KCNMA1: variants seen among roughly 807,000 people sequenced by gnomAD.
KCNMA1 encodes the protein potassium calcium-activated channel subfamily M alpha 1.
KCNMA1 carries 29 observed loss-of-function variants against 140.0 expected under a neutral mutation model. That is an observed-to-expected ratio of 0.21 (90% CI 0.15 to 0.28). The LOEUF is 0.28. KCNMA1 is among the 10% of genes least tolerant of loss of function. KCNMA1 has a pLI of 1.00. For missense variants in KCNMA1, 880 were observed against 1,602.2 expected (o/e 0.55, Z 7.70); for synonymous variants, 612 against 611.9 (o/e 1.00, Z 0.00).
At chr10:77,090,940 T>C (rs1450692318) in intron 9 of KCNMA1, 4 of 200,340 alleles carry the variant, frequency 2.0e-5, no homozygotes, top group African/African-American at 4.6e-5. Context: ...TATCAGGTAA[T>C]GAGATAACAA....
At chr10:76,927,402 G>A (rs946804404) in intron 23 of KCNMA1, among the ~76,000 whole-genome samples, 1 of 152,114 alleles carries the variant, frequency 6.6e-6, no homozygotes, top group Non-Finnish European at 1.5e-5. Flanking sequence ...ACATAACGAT[G>A]GGACTCTCAT....
chr10:77,559,066 C>T (rs1484691398), intron 1 of KCNMA1, among the ~76,000 whole-genome samples: 1 of 152,152 alleles, frequency 6.6e-6, no homozygotes, highest in Non-Finnish European at 1.5e-5. Flanking sequence ...CCTGGTCAGC[C>T]CAGCCCCTGT....
At chr10:77,280,449 CT>C (rs2068097174) in intron 2 of KCNMA1, among the ~76,000 whole-genome samples, 1 of 152,168 alleles carries the variant, frequency 6.6e-6, no homozygotes, top group African/African-American at 2.4e-5. Context: ...ACAGTTTTGC[CT>C]CTGTTTCCAC....
At chr10:77,336,160 G>A (rs530156868) in intron 2 of KCNMA1, among the ~76,000 whole-genome samples, 95 of 152,312 alleles carry the variant, frequency 6.2e-4, no homozygotes, top group African/African-American at 2.2e-3. Context: ...TAGATTAAGT[G>A]TTGAAAGGAC....
chr10:77,138,210 A>AT (rs2098089749), intron 5 of KCNMA1, among the ~76,000 whole-genome samples: 1 of 152,154 alleles, frequency 6.6e-6, no homozygotes, highest in Non-Finnish European at 1.5e-5. Flanking sequence ...AGAGAAACAC[A>AT]TTTTTTAAAA....
intron 1 of KCNMA1, among the ~76,000 whole-genome samples, chr10:77,439,156 AG>A (rs2097339363): frequency 7.1e-6 from 1 of 139,880 alleles, no homozygotes; most frequent in Non-Finnish European, 1.6e-5. Flanking sequence ...AGAAAAGAGA[AG>A]AGAAGAAAAG....
At chr10:77,295,806 A>AAAAAAAAC (rs2074898779) in intron 2 of KCNMA1, among the ~76,000 whole-genome samples, 16 of 145,640 alleles carry the variant, frequency 1.1e-4, no homozygotes, top group Non-Finnish European at 2.4e-4. Context: ...AAAAAAAAAA[A>AAAAAAAAC]AAAAAAAAAA....
At chr10:77,472,975 C>G (rs1475014270) in intron 1 of KCNMA1, among the ~76,000 whole-genome samples, 1 of 152,196 alleles carries the variant, frequency 6.6e-6, no homozygotes, top group South Asian at 2.1e-4. Context: ...CAAACCAAAA[C>G]CCAAATGTGC....
At chr10:76,960,618 G>GTTTTTTTTT (rs55685324) in intron 20 of KCNMA1, among the ~76,000 whole-genome samples, 7 of 59,332 alleles carry the variant, frequency 1.2e-4, no homozygotes, top group Non-Finnish European at 1.6e-4. Context: ...TTATGGTTTT[G>GTTTTTTTTT]TTTTTTTTTT....
At chr10:77,581,315 CTT>C (rs11392217) in intron 1 of KCNMA1, among the ~76,000 whole-genome samples, 1 of 148,270 alleles carries the variant, frequency 6.7e-6, no homozygotes, top group Non-Finnish European at 1.5e-5. Flanking sequence ...ATTCTCAACA[CTT>C]TTTTTTTTTT....
chr10:77,453,235 A>G (rs2097695936), intron 1 of KCNMA1, among the ~76,000 whole-genome samples: 1 of 152,124 alleles, frequency 6.6e-6, no homozygotes. Flanking sequence ...AAATCCAATC[A>G]AGAGTATTTC....
intron 25 of KCNMA1, among the ~76,000 whole-genome samples, chr10:76,893,080 G>A (rs1024945205): frequency 1.3e-5 from 2 of 152,130 alleles, no homozygotes; most frequent in Non-Finnish European, 2.9e-5. Flanking sequence ...TGGGATCCAG[G>A]GATCCAGAGC....
chr10:77,504,040 G>T (rs1212779897), intron 1 of KCNMA1, among the ~76,000 whole-genome samples: 2 of 152,116 alleles, frequency 1.3e-5, no homozygotes, highest in Non-Finnish European at 2.9e-5. Flanking sequence ...GGTGCTGGAG[G>T]GTCTCTCCAC....
At chr10:77,591,069 C>G (rs17506197) in intron 1 of KCNMA1, among the ~76,000 whole-genome samples, 15,097 of 152,288 alleles carry the variant, frequency 0.099, 974 homozygotes, top group Middle Eastern at 0.16. Context: ...CAGATAAACA[C>G]ATTAAGGCAG....
At chr10:77,282,782 A>G (rs1397544119) in intron 2 of KCNMA1, among the ~76,000 whole-genome samples, 1 of 150,204 alleles carries the variant, frequency 6.7e-6, no homozygotes, top group Non-Finnish European at 1.5e-5. Context: ...AGCTACTCAC[A>G]AGGATCCCCT....
intron 17 of KCNMA1, among the ~76,000 whole-genome samples, chr10:77,017,139 A>C (rs773713948): frequency 2.3e-4 from 35 of 152,168 alleles, no homozygotes; most frequent in Non-Finnish European, 5.0e-4. Context: ...TATAGGAGGT[A>C]ATTTGTTTTT....
At chr10:77,413,653 G>C (rs563238481) in intron 1 of KCNMA1, among the ~76,000 whole-genome samples, 1 of 152,218 alleles carries the variant, frequency 6.6e-6, no homozygotes, top group Admixed American at 6.5e-5. Flanking sequence ...CTGGTGTCAG[G>C]AGTGGCAGAG....
intron 2 of KCNMA1, among the ~76,000 whole-genome samples, chr10:77,329,615 A>G (rs969099507): frequency 1.3e-5 from 2 of 152,216 alleles, no homozygotes; most frequent in Non-Finnish European, 2.9e-5. Flanking sequence ...CAAATGAACT[A>G]AAACACCTCC....
chr10:76,933,932 T>G (rs1242477078), intron 23 of KCNMA1, among the ~76,000 whole-genome samples: 2 of 152,116 alleles, frequency 1.3e-5, no homozygotes, highest in Admixed American at 6.6e-5. Flanking sequence ...GCAGTGCCAC[T>G]TTTTCTTTCT....
Sources: allele counts gnomAD v4.1 joint callset (sites outside exome capture counted in the v4.1 genomes callset), GRCh38; gene constraint gnomAD v4.1.1; transcripts MANE v1.5; gene names NCBI Gene and HGNC (gene_info 2026-07-23, HGNC 2026-07-21).